The following PTPRT variants were observed in gnomAD, a reference collection of about 807,000 sequenced individuals.
PTPRT encodes protein tyrosine phosphatase receptor type T, also known as receptor-type tyrosine-protein phosphatase T.
In PTPRT, 56 loss-of-function variants were observed where a neutral mutation model predicts 176.8. The observed-to-expected ratio is 0.32, with a 90% CI of 0.26 to 0.40. The LOEUF (loss-of-function observed/expected upper bound fraction) is 0.40. PTPRT is among the 10% of genes least tolerant of loss of function. PTPRT has a pLI of 1.00. For missense variants in PTPRT, 1,540 were observed against 1,908.2 expected, an observed-to-expected ratio of 0.81 and a Z score of 3.60; for synonymous variants, 783 against 739.0, an observed-to-expected ratio of 1.06 and a Z score of -0.96.
chr20:42,284,749 G>A (rs77874137), intron 12 of PTPRT, among the ~76,000 whole-genome samples: 24,424 of 151,668 alleles, frequency 0.16, 1,997 homozygotes, highest in South Asian at 0.2. Context: ...CTTGTTCTTC[G>A]GAACAAGTGT....
At chr20:42,820,370 T>C (rs2077870001) in intron 2 of PTPRT, among the ~76,000 whole-genome samples, 1 of 152,096 alleles carries the variant, frequency 6.6e-6, no homozygotes, top group Non-Finnish European at 1.5e-5. Context: ...TTGAAACCAA[T>C]GAGAACAAGG....
chr20:42,795,565 G>A (rs2077442518), intron 2 of PTPRT, among the ~76,000 whole-genome samples: 1 of 152,214 alleles, frequency 6.6e-6, no homozygotes, highest in Admixed American at 6.5e-5. Context: ...GCAGCTGAGG[G>A]CCTTGGGCAC....
chr20:42,070,734 A>G (rs6130025), downstream of PTPRT, among the ~76,000 whole-genome samples: 24 of 152,294 alleles, frequency 1.6e-4, no homozygotes, highest in East Asian at 4.4e-3. Flanking sequence ...GTTAACAGGT[A>G]CCTTTGAGAA....
At chr20:42,124,612 G>A (rs1987761159) in intron 19 of PTPRT, among the ~76,000 whole-genome samples, 1 of 152,192 alleles carries the variant, frequency 6.6e-6, no homozygotes, top group Non-Finnish European at 1.5e-5. Flanking sequence ...TCTAGCATGG[G>A]CAGTTAGCTC....
intron 2 of PTPRT, among the ~76,000 whole-genome samples, chr20:42,882,370 A>G (rs2079023760): frequency 6.6e-6 from 1 of 152,206 alleles, no homozygotes; most frequent in South Asian, 2.1e-4. Context: ...ATGATCCAAT[A>G]TTTATGAAAT....
intron 13 of PTPRT, chr20:42,270,384 C>G (rs761210664): frequency 4.7e-6 from 3 of 635,108 alleles, no homozygotes; most frequent in Non-Finnish European, 8.1e-6. Context: ...CCGCCCAGGG[C>G]TCTGGTGATC....
chr20:42,117,223 C>T (rs955838034), intron 21 of PTPRT, among the ~76,000 whole-genome samples: 7 of 152,282 alleles, frequency 4.6e-5, no homozygotes, highest in African/African-American at 9.6e-5. Context: ...TATTGGATTA[C>T]GAAAGCCCAG....
chr20:43,177,148 C>A (rs1046490719), intron 1 of PTPRT, among the ~76,000 whole-genome samples: 3 of 152,174 alleles, frequency 2.0e-5, no homozygotes, highest in African/African-American at 7.2e-5. Flanking sequence ...ACCACAATGG[C>A]CACATTTTGG....
At chr20:42,169,789 CACAA>C (rs761940812) in intron 16 of PTPRT, among the ~76,000 whole-genome samples, 17,424 of 130,170 alleles carry the variant, frequency 0.13, 1,437 homozygotes, top group South Asian at 0.18. Flanking sequence ...CACACACACA[CACAA>C]CAGTCAGTAT....
At chr20:42,519,127 T>A (rs368791837) in intron 7 of PTPRT, among the ~76,000 whole-genome samples, 2 of 152,156 alleles carry the variant, frequency 1.3e-5, no homozygotes, top group African/African-American at 4.8e-5. Context: ...CATTCACTTC[T>A]TTTTGTTCCG....
chr20:42,594,002 C>G (rs2073625962), intron 7 of PTPRT, among the ~76,000 whole-genome samples: 1 of 152,084 alleles, frequency 6.6e-6, no homozygotes, highest in Non-Finnish European at 1.5e-5. Context: ...TGGTTGAGGC[C>G]TTGGGAATTA....
chr20:42,911,160 T>C lies in PTPRT; in HGVS notation c.89-25228A>G, dbSNP rs189144111. 2.8e-3 allele frequency among the ~76,000 whole-genome samples: 420 copies of C among 152,240 alleles called. 2 individuals carry two copies. The highest frequency in any genetic ancestry group is 0.023 in the Admixed American group (348 of 15,302). ...AAGCCTAACCATAGGAAACACTTTT[T>C]TTTTAAATCATGGTGACTCTCTTAA... is the stretch of plus-strand genomic sequence containing the variant. On this transcript the variant is annotated intron_variant, in intron 1 of 30. Coordinates refer to ENST00000373187, the MANE Select transcript of PTPRT (RefSeq NM_007050.6).
intron 6 of PTPRT, among the ~76,000 whole-genome samples, chr20:42,680,135 T>C (rs959918022): frequency 1.3e-5 from 2 of 152,308 alleles, no homozygotes; most frequent in African/African-American, 4.8e-5. Context: ...GGCTTTGAGA[T>C]AGAGACGCAC....
At position 42,567,144 on chromosome 20, in the gene PTPRT, G is replaced by T. The variant is rs554504515; in HGVS notation, c.1154-94582C>A. 4.3e-3 allele frequency among the ~76,000 whole-genome samples: 660 copies of T among 152,044 alleles called. 9 individuals are homozygous for T. Among genetic ancestry groups the T allele is most frequent in the African/African-American group, 0.015 (629 of 41,464 alleles). Reference sequence around the variant, plus strand: ...AAAAATTAGCCGGGCATGGTGGCAGGTGCCTGTAATCCCAGCTACTCAAGA... The same window carrying T: ...AAAAATTAGCCGGGCATGGTGGCAGTTGCCTGTAATCCCAGCTACTCAAGA... On this transcript the variant is annotated intron_variant, in intron 7 of 30. Coordinates refer to ENST00000373187, the MANE Select transcript of PTPRT (RefSeq NM_007050.6).
At chr20:42,506,041 C>T in intron 7 of PTPRT, among the ~76,000 whole-genome samples, 1 of 152,068 alleles carries the variant, frequency 6.6e-6, no homozygotes, top group Non-Finnish European at 1.5e-5. Context: ...AGATGCAAAG[C>T]CATTAACTCA....
At chr20:42,622,464 T>A (rs972711985) in intron 7 of PTPRT, among the ~76,000 whole-genome samples, 9 of 152,072 alleles carry the variant, frequency 5.9e-5, no homozygotes, top group Non-Finnish European at 8.8e-5. Context: ...ATGGTCTCAA[T>A]CTCCTGACCT....
chr20:42,542,994 T>C (rs774081922), intron 7 of PTPRT, among the ~76,000 whole-genome samples: 4 of 152,218 alleles, frequency 2.6e-5, no homozygotes, highest in Non-Finnish European at 4.4e-5. Flanking sequence ...ATGCTAAGGA[T>C]CATCTGAGCC....
rs1204497696 is a variant in PTPRT, at chr20:42,523,598, A to G, written c.1154-51036T>C. ...CCAGTGTCATTTTCCAGCCAATTGC[A>G]TTTTCTTTTCTTTCAACAACTTAAT... On this transcript the variant is annotated intron_variant, in intron 7 of 30. Transcript: ENST00000373187. Among the ~76,000 whole-genome samples the G allele has an allele frequency of 3.3e-5, 5 of 152,078 alleles. No individual in the cohort carries two copies. The East Asian group carries it at 9.6e-4, about 29-fold the overall frequency.
chr20:42,032,749 T>C, the PTPRT span, among the ~76,000 whole-genome samples: 1 of 152,122 alleles, frequency 6.6e-6, no homozygotes, highest in Non-Finnish European at 1.5e-5. Flanking sequence ...TTGCTCTTGC[T>C]CTCTCTCCTT....
Sources: gnomAD v4.1 joint callset for allele counts (sites outside exome capture counted in the v4.1 genomes callset) on GRCh38, gnomAD v4.1.1 for gene constraint, MANE v1.5 for transcripts, NCBI Gene and HGNC (gene_info 2026-07-23, HGNC 2026-07-21) for gene names.